The following DHCR24 variants were observed in gnomAD, a reference collection of about 807,000 sequenced individuals.
DHCR24 encodes 24-dehydrocholesterol reductase, also known as delta(24)-sterol reductase.
In DHCR24, 28 loss-of-function variants were observed where a neutral mutation model predicts 61.2. The ratio of observed to expected loss-of-function variants is 0.46; its 90% confidence interval spans 0.34 to 0.63. DHCR24 has a LOEUF of 0.63. DHCR24 is among the 20% of genes least tolerant of loss of function. DHCR24 has a pLI of 0.01. For missense variants in DHCR24, 538 were observed against 679.1 expected (o/e 0.79, Z 2.31); for synonymous variants, 261 against 275.9 (o/e 0.95, Z 0.54).
chr1:54,850,090 A>G lies in DHCR24; in HGVS notation c.*2143T>C, dbSNP rs1156386838. 2.6e-5 allele frequency: 4 copies of G among 152,238 alleles called. No individual in the cohort carries two copies. The East Asian group carries it at 7.7e-4, about 29-fold the overall frequency. 9.4% of individuals were successfully genotyped at this position (152,238 alleles called of 1,614,324 possible). A position where few individuals can be genotyped will look rare whatever the true frequency, so the allele number is the denominator to read the frequency against. ...TAAGAAGACTGCCTCTTTCCAGGCA[A>G]GATTTTACTGGAGCAACATAACCGG... On this transcript the variant is annotated 3_prime_UTR_variant, in exon 9 of 9. Transcript: ENST00000371269.
chr1:54,873,352 T>C (rs1450833098), intron 4 of DHCR24, among the ~76,000 whole-genome samples: 1 of 152,260 alleles, frequency 6.6e-6, no homozygotes, highest in Non-Finnish European at 1.5e-5. Flanking sequence ...TATAATTATG[T>C]ACACTACATA....
Position 54,849,666 on chromosome 1 carries a change from G to C in DHCR24, c.*2567C>G, listed in dbSNP as rs1570175831. On this transcript the variant is annotated 3_prime_UTR_variant, in exon 9 of 9. Coordinates refer to ENST00000371269, the MANE Select transcript of DHCR24 (RefSeq NM_014762.4). ...CACTTTTATTTAAACAGAAGCAGCG[G>C]CCCCACAGCCATGGGGACATGTCTT... 6.6e-6 allele frequency: 1 copy of C among 152,590 alleles called. No individual in the cohort carries two copies. Among genetic ancestry groups the C allele is most frequent in the Admixed American group, 6.5e-5 (1 of 15,272 alleles). The allele number at this position is 152,590 out of a possible 1,614,324, so 9.5% of individuals were successfully genotyped here. A position where few individuals can be genotyped will look rare whatever the true frequency, so the allele number is the denominator to read the frequency against.
At chr1:54,861,087 A>G (rs1204242434) in intron 6 of DHCR24, among the ~76,000 whole-genome samples, 1 of 151,892 alleles carries the variant, frequency 6.6e-6, no homozygotes, top group Non-Finnish European at 1.5e-5. Flanking sequence ...CTTTCTTTAC[A>G]TTCCAGTGAT....
At chr1:54,861,813 A>C (rs1346661188) in intron 6 of DHCR24, among the ~76,000 whole-genome samples, 1 of 152,118 alleles carries the variant, frequency 6.6e-6, no homozygotes, top group Non-Finnish European at 1.5e-5. Flanking sequence ...GTGTTTCCCC[A>C]GTTAACTCAT....
rs1646889263 is a variant in DHCR24 at position 54,853,483 on chromosome 1, C to A, written c.1348G>T (p.Ala450Ser). Residue 450 changes from alanine (A) to serine (S), a missense_variant, in exon 8 of 9, where the codon GCC (alanine) becomes TCC (serine). By Grantham distance (99) the Ala-to-Ser change is moderately conservative. Coordinates refer to ENST00000371269, the MANE Select transcript of DHCR24 (RefSeq NM_014762.4). ...TCCAGCTGCCTCATGCAGGACCTGG[C>A]TTCAAAGTGTTTCACACGCGGCTCC... is the stretch of plus-strand genomic sequence containing the variant. ...YGEPRVKHFEARSCMRQLEKF... is the reference protein window; with the variant it reads ...YGEPRVKHFESRSCMRQLEKF... The A allele has an allele frequency of 1.9e-6, 3 of 1,614,090 alleles. No homozygotes were observed. The highest frequency in any genetic ancestry group is 1.7e-6 in the Non-Finnish European group (2 of 1,180,044).
rs180903448 is a variant in DHCR24, at chr1:54,871,599, G to T, written c.627C>A (p.Asp209Glu). 6.2e-7 allele frequency: 1 copy of T among 1,614,184 alleles called. No homozygotes were observed. Among genetic ancestry groups the T allele is most frequent in the East Asian group, 2.2e-5 (1 of 44,874 alleles). ...AGGACCAGGGTACGGCATAGAACAG[G>T]TCTGAGTTTTCGGACTGTGAGACAG... Reference protein sequence around the residue: ...FVRCTPSENSDLFYAVPWSCG... With the variant: ...FVRCTPSENSELFYAVPWSCG... The change falls in exon 5 of 9, where the codon GAC becomes GAA. Residue 209 changes from aspartate to glutamate, a missense_variant. Physicochemically the swap from Asp to Glu is conservative, Grantham distance 45. Transcript: ENST00000371269.
intron 6 of DHCR24, among the ~76,000 whole-genome samples, chr1:54,864,652 CTG>C: frequency 6.6e-6 from 1 of 151,172 alleles, no homozygotes; most frequent in Non-Finnish European, 1.5e-5. Flanking sequence ...CTACCCTGAA[CTG>C]TCCATTTTAT....
rs1330082333 is a variant in DHCR24, at chr1:54,858,196, GAC to G, written c.1021-3964_1021-3963del. On this transcript the variant is annotated intron_variant, in intron 6 of 8. Coordinates refer to ENST00000371269, the MANE Select transcript of DHCR24 (RefSeq NM_014762.4). ...CCAGCTGCACAGGGTGCTGACTGCT[GAC>G]ACTCAGGGAGAACTGCCCTTGGCAG... Among the ~76,000 whole-genome samples, 10 of 152,388 alleles carry G rather than the reference GAC, an allele frequency of 6.6e-5. 1 individual carries two copies. The East Asian group carries it at 1.9e-3, about 29-fold the overall frequency.
intron 6 of DHCR24, among the ~76,000 whole-genome samples, chr1:54,861,973 C>T (rs1343060634): frequency 1.3e-5 from 2 of 152,168 alleles, no homozygotes; most frequent in Non-Finnish European, 2.9e-5. Flanking sequence ...ACCCTATGGT[C>T]CTCCCATTAG....
chr1:54,876,379 C>T lies in DHCR24; in HGVS notation c.388-332G>A, dbSNP rs639796. Among the ~76,000 whole-genome samples, 80,144 of 152,076 alleles carry T rather than the reference C, an allele frequency of 0.53. 22,140 individuals carry two copies. Among genetic ancestry groups the T allele is most frequent in the South Asian group, 0.73 (3,506 of 4,828 alleles). On this transcript the variant is annotated intron_variant, in intron 2 of 8. Coordinates refer to ENST00000371269, the MANE Select transcript of DHCR24 (RefSeq NM_014762.4). ...ACAAAAATCACCCATCCTGGCTGGT[C>T]GTGGTGACTCATGTCTGTAATCCCA...
rs1646968736 is a variant in DHCR24 at position 54,866,518 on chromosome 1, T to C, written c.877-1072A>G. 2.0e-5 allele frequency among the ~76,000 whole-genome samples: 3 copies of C among 152,200 alleles called. 1 individual carries two copies. The highest frequency in any genetic ancestry group is 4.1e-4 in the South Asian group (2 of 4,836). The stretch of plus-strand genomic sequence containing the variant: ...CACGTACTGTTTGCCAATTTGCTTT[T>C]TCCATTTACAACACACTTAGCAGAG... On this transcript the variant is annotated intron_variant, in intron 5 of 8. Coordinates refer to ENST00000371269, the MANE Select transcript of DHCR24 (RefSeq NM_014762.4).
At chr1:54,853,898 A>AG in intron 7 of DHCR24, 139 bp downstream of exon 7, 2 of 923,060 alleles carry the variant, frequency 2.2e-6, no homozygotes, top group Non-Finnish European at 3.4e-6. Flanking sequence ...CAGCAGACAT[A>AG]GGGACAAGGA....
In DHCR24 at chr1:54,871,384, G is replaced by T. The variant is rs1461070654; in HGVS notation, c.842C>A (p.Thr281Lys). The T allele has an allele frequency of 6.2e-7, 1 of 1,614,132 alleles. No homozygotes were observed. Among genetic ancestry groups the T allele is most frequent in the South Asian group, 1.1e-5 (1 of 91,080 alleles). ...CTCTGCCTCATCTGTCATGACCCCT[G>T]TCATAATGACAGCCTCATCCAGGGA... is the stretch of plus-strand genomic sequence containing the variant. Reference protein sequence around the residue: ...LYSLDEAVIMTGVMTDEAEPS... With the variant: ...LYSLDEAVIMKGVMTDEAEPS... Residue 281 changes from threonine to lysine, a missense_variant, in exon 5 of 9, where the codon ACA (threonine) becomes AAA (lysine). Transcript: ENST00000371269.
Position 54,883,596 on chromosome 1 carries a change from C to T in DHCR24, c.387+22G>A, listed in dbSNP as rs745755113. ...GGCAGTGCCCCACCTGCTCCCAGAG[C>T]CCGGAAAAGTGCTACTCTCACCTGT... On this transcript the variant is annotated intron_variant, in intron 2 of 8. Transcript: ENST00000371269. The surrounding 1 kb of genome is among the most constrained non-coding windows in gnomAD (Gnocchi z 4.3). 3.7e-6 allele frequency: 6 copies of T among 1,614,112 alleles called. No individual in the cohort carries two copies. In the South Asian group the frequency reaches 6.6e-5, roughly 18 times the overall value.
At position 54,854,228 on chromosome 1, in the gene DHCR24, T is replaced by TG; in HGVS notation, c.1026_1027insC (p.Ile343HisfsTer30). 6.2e-7 allele frequency: 1 copy of TG among 1,613,338 alleles called. No individual in the cohort carries two copies. Among genetic ancestry groups the TG allele is most frequent in the Non-Finnish European group, 8.5e-7 (1 of 1,179,702 alleles). ...AAGATGGGGTTGTTGCCAAAGGGGA[T>TG]AATGTCCTGGAAAACAAAGATTAGG... is the stretch of plus-strand genomic sequence containing the variant. On this transcript the variant is annotated frameshift_variant, in exon 7 of 9. Transcript: ENST00000371269. LOFTEE classifies it high-confidence loss of function.
intron 1 of DHCR24, 153 bp downstream of exon 1, chr1:54,886,736 T>G: frequency 2.2e-6 from 3 of 1,333,770 alleles, no homozygotes; most frequent in African/African-American, 1.5e-5. Flanking sequence ...CACATTTTTG[T>G]TTCGTTCCAA....
chr1:54,857,288 C>T (rs1484320621), intron 6 of DHCR24, among the ~76,000 whole-genome samples: 1 of 152,268 alleles, frequency 6.6e-6, no homozygotes, highest in Non-Finnish European at 1.5e-5. Flanking sequence ...TGCTCACTGG[C>T]TGTAGGGCCC....
At chr1:54,885,765 C>T (rs1382181371) in intron 1 of DHCR24, among the ~76,000 whole-genome samples, 1 of 152,146 alleles carries the variant, frequency 6.6e-6, no homozygotes, top group African/African-American at 2.4e-5. Context: ...ACATAACAGT[C>T]CCTGCATTCT....
chr1:54,864,384 A>G (rs1343850104), intron 6 of DHCR24, among the ~76,000 whole-genome samples: 1 of 152,200 alleles, frequency 6.6e-6, no homozygotes, highest in Non-Finnish European at 1.5e-5. Context: ...AAGAAATGAA[A>G]TATTGATACA....
Sources: allele counts gnomAD v4.1 joint callset (sites outside exome capture counted in the v4.1 genomes callset), GRCh38; gene constraint gnomAD v4.1.1; non-coding constraint Gnocchi (gnomAD v3.1); transcripts MANE v1.5; gene names NCBI Gene and HGNC (gene_info 2026-07-23, HGNC 2026-07-21).